ORC5: variants seen among roughly 807,000 people sequenced by gnomAD.
The protein encoded by ORC5 is origin recognition complex subunit 5.
A neutral mutation model predicts 58.8 loss-of-function variants in ORC5; 39 were observed. The observed-to-expected ratio is 0.66, with a 90% CI of 0.51 to 0.87. The LOEUF (loss-of-function observed/expected upper bound fraction) is 0.87. ORC5 is among the 40% of genes least tolerant of loss of function. The probability of loss-of-function intolerance (pLI) is 0.00; values close to 1 mark genes in which losing one functional copy is unlikely to be tolerated. For missense variants in ORC5, 493 were observed against 506.3 expected (o/e 0.97, Z 0.25); for synonymous variants, 218 against 177.6 (o/e 1.23, Z -1.81).
chr7:104,187,719 T>TAA (rs145586918), intron 6 of ORC5: 79 of 769,834 alleles, frequency 1.0e-4, no homozygotes, highest in East Asian at 1.0e-3. Flanking sequence ...TTCTAATTGT[T>TAA]AAAAAAAAAA....
chr7:104,207,947 G>T lies in ORC5; in HGVS notation c.-43C>A. 6.3e-7 allele frequency: 1 copy of T among 1,579,532 alleles called. No homozygotes were observed. The highest frequency in any genetic ancestry group is 8.7e-7 in the Non-Finnish European group (1 of 1,148,820). On this transcript the variant is annotated 5_prime_UTR_variant, in exon 1 of 14. In the 5' UTR this introduces an upstream ATG that the reference lacks. Coordinates refer to ENST00000297431, the MANE Select transcript of ORC5 (RefSeq NM_002553.4). ...CAGAGGCCAGTGCAGCCAGCCCACA[G>T]GACCCTTGCACAAGACGGAGCCTCT...
rs181568819 is a variant in ORC5, at chr7:104,151,332, G to A, written c.1149+9740C>T. The stretch of plus-strand genomic sequence containing the variant: ...GACCAGATAGAAAGCTGGTGCAACT[G>A]CCTAATAAGGAAGCTACTGATTTAA... On this transcript the variant is annotated intron_variant, in intron 12 of 13. Transcript: ENST00000297431. Among the ~76,000 whole-genome samples the A allele has an allele frequency of 8.4e-4, 128 of 152,306 alleles. 2 individuals carry two copies. Among genetic ancestry groups the A allele is most frequent in the African/African-American group, 2.7e-3 (112 of 41,568 alleles).
chr7:104,204,296 A>G lies in ORC5; in HGVS notation c.73-62T>C, dbSNP rs979769673. 4 of 953,328 alleles carry G rather than the reference A, an allele frequency of 4.2e-6. No individual in the cohort carries two copies. The African/African-American group carries it at 4.9e-5, about 12-fold the overall frequency. The allele number at this position is 953,328 out of a possible 1,614,324, so 59.1% of individuals were successfully genotyped here. A position where few individuals can be genotyped will look rare whatever the true frequency, so the allele number is the denominator to read the frequency against. Reference sequence around the variant, plus strand: ...CAAAATAGAAAATAAACACTTATCAACTTGTGAGAAAGTTGTACGTGGAAA... The same window carrying G: ...CAAAATAGAAAATAAACACTTATCAGCTTGTGAGAAAGTTGTACGTGGAAA... On this transcript the variant is annotated intron_variant, in intron 1 of 13. Transcript: ENST00000297431.
chr7:104,187,845 A>G (rs1258636369), intron 6 of ORC5: 2 of 987,428 alleles, frequency 2.0e-6, no homozygotes, highest in Non-Finnish European at 1.2e-6. Context: ...GACCTCAATC[A>G]CCGCATACAT....
chr7:104,170,535 T>C (rs375496980), intron 8 of ORC5, among the ~76,000 whole-genome samples: 10 of 152,144 alleles, frequency 6.6e-5, no homozygotes, highest in African/African-American at 1.9e-4. Context: ...CTCTAGAAGT[T>C]AGAAAAGGCA....
Position 104,197,709 on chromosome 7 carries a change from T to G in ORC5, c.441+16A>C. ...GATTAAGTTGTGGGGAGAAAGCACT[T>G]TCTCACATTACTTACCAATTCTTGT... On this transcript the variant is annotated intron_variant, in intron 4 of 13. Coordinates refer to ENST00000297431, the MANE Select transcript of ORC5 (RefSeq NM_002553.4). The G allele has an allele frequency of 1.3e-6, 2 of 1,570,394 alleles. No homozygotes were observed. Among genetic ancestry groups the G allele is most frequent in the Non-Finnish European group, 1.7e-6 (2 of 1,152,010 alleles).
chr7:104,205,935 G>A (rs1800070887), intron 1 of ORC5, among the ~76,000 whole-genome samples: 1 of 152,184 alleles, frequency 6.6e-6, no homozygotes, highest in African/African-American at 2.4e-5. Context: ...TTGAGCCTGG[G>A]AGGCAGAGAC....
chr7:104,191,440 G>A (rs1431487106), intron 5 of ORC5, among the ~76,000 whole-genome samples: 2 of 152,058 alleles, frequency 1.3e-5, no homozygotes, highest in African/African-American at 4.8e-5. Context: ...GAAAACAGTT[G>A]AGTCTCCAGC....
intron 8 of ORC5, among the ~76,000 whole-genome samples, chr7:104,173,655 A>T: frequency 6.6e-6 from 1 of 152,150 alleles, no homozygotes; most frequent in Non-Finnish European, 1.5e-5. Context: ...TCCTCTTGGG[A>T]TAATAACAAC....
intron 10 of ORC5, 121 bp downstream of exon 10, chr7:104,166,651 A>T (rs1799112344): frequency 4.9e-6 from 3 of 616,660 alleles, no homozygotes; most frequent in Non-Finnish European, 8.6e-6. Context: ...AATGAGTCCT[A>T]AATACATATT....
At chr7:104,131,079 G>A (rs546533617) in intron 13 of ORC5, among the ~76,000 whole-genome samples, 1 of 152,312 alleles carries the variant, frequency 6.6e-6, no homozygotes, top group South Asian at 2.1e-4. Flanking sequence ...GCCATTGTAA[G>A]TAAATTCAAG....
intron 5 of ORC5, among the ~76,000 whole-genome samples, chr7:104,194,273 T>C (rs1799746828): frequency 6.6e-6 from 1 of 152,088 alleles, no homozygotes; most frequent in Non-Finnish European, 1.5e-5. Flanking sequence ...TTCACTGCTG[T>C]TCTGGTGGAA....
chr7:104,190,800 A>G (rs1362588014), intron 5 of ORC5, among the ~76,000 whole-genome samples: 1 of 152,062 alleles, frequency 6.6e-6, no homozygotes, highest in Non-Finnish European at 1.5e-5. Context: ...CTTCCAGGAT[A>G]TTCTAATCAT....
At chr7:104,147,706 A>C (rs1455745163) in intron 12 of ORC5, among the ~76,000 whole-genome samples, 3 of 152,226 alleles carry the variant, frequency 2.0e-5, no homozygotes, top group Non-Finnish European at 4.4e-5. Flanking sequence ...GTCGTGCTAA[A>C]GGTTTGCTAG....
At chr7:104,182,691 C>G (rs1266889510) in intron 8 of ORC5, among the ~76,000 whole-genome samples, 1 of 152,140 alleles carries the variant, frequency 6.6e-6, no homozygotes, top group Non-Finnish European at 1.5e-5. Context: ...AGAAGTCTCA[C>G]CTAACTCTCT....
At chr7:104,166,124 G>A (rs1390853590) in intron 10 of ORC5, among the ~76,000 whole-genome samples, 1 of 152,098 alleles carries the variant, frequency 6.6e-6, no homozygotes, top group Non-Finnish European at 1.5e-5. Context: ...AAAGAAGAAA[G>A]CAAACATCAT....
intron 6 of ORC5, chr7:104,184,459 T>C (rs1484035098): frequency 6.5e-6 from 2 of 306,096 alleles, no homozygotes; most frequent in Non-Finnish European, 1.2e-5. Flanking sequence ...ACCCTGCTTC[T>C]TTCTAAAAAA....
chr7:104,156,494 A>T (rs28623765), intron 12 of ORC5, among the ~76,000 whole-genome samples: 18 of 151,868 alleles, frequency 1.2e-4, no homozygotes, highest in African/African-American at 4.1e-4. Flanking sequence ...TCCTTGAGTT[A>T]CTATTTTTAT....
Position 104,129,309 on chromosome 7 carries a change from AT to A in ORC5, c.1263-2417del, listed in dbSNP as rs1175656618. On this transcript the variant is annotated intron_variant, in intron 13 of 13. Coordinates refer to ENST00000297431, the MANE Select transcript of ORC5 (RefSeq NM_002553.4). The surrounding 1 kb of genome is among the most constrained non-coding windows in gnomAD (Gnocchi z 4.9). ...AAAACACTAAGCAACTTAAATGTTC[AT>A]AAAACTTTCATTATATTCCCTTTCT... Among the ~76,000 whole-genome samples the A allele has an allele frequency of 6.6e-6, 1 of 152,240 alleles. No homozygotes were observed. Among genetic ancestry groups the A allele is most frequent in the African/African-American group, 2.4e-5 (1 of 41,468 alleles).
Sources: allele counts gnomAD v4.1 joint callset (sites outside exome capture counted in the v4.1 genomes callset), GRCh38; gene constraint gnomAD v4.1.1; non-coding constraint Gnocchi (gnomAD v3.1); transcripts MANE v1.5; gene names NCBI Gene and HGNC (gene_info 2026-07-23, HGNC 2026-07-21).